Variants in NAGLU observed in about 807,000 individuals in gnomAD.
The protein encoded by NAGLU is N-acetyl-alpha-glucosaminidase.
Under a neutral mutation model 43.4 loss-of-function variants are expected in NAGLU, and 34 were observed. The ratio of observed to expected loss-of-function variants is 0.78; its 90% CI spans 0.60 to 1.04. The LOEUF (loss-of-function observed/expected upper bound fraction) is 1.04, where lower values mean the gene tolerates loss of function less well. Ranked by LOEUF, NAGLU falls within the 50% of genes least tolerant of loss-of-function variation. NAGLU has a pLI of 0.00. For missense variants in NAGLU, 910 were observed against 993.7 expected, an observed-to-expected ratio of 0.92 and a Z score of 1.13; for synonymous variants, 425 against 437.6, an observed-to-expected ratio of 0.97 and a Z score of 0.36.
chr17:42,543,168 C>A lies in NAGLU; in HGVS notation c.1162C>A (p.Gln388Lys). 1.9e-6 allele frequency: 3 copies of A among 1,614,180 alleles called. No homozygotes were observed. Among genetic ancestry groups the A allele is most frequent in the Non-Finnish European group, 2.5e-6 (3 of 1,180,046 alleles). Residue 388 changes from glutamine (Q) to lysine (K), a missense_variant, in exon 6 of 6, where the codon CAG becomes AAG. Coordinates refer to ENST00000225927, the MANE Select transcript of NAGLU (RefSeq NM_000263.4). ...GGTTCTGGACCTGTTTGCTGAGAGC[C>A]AGCCTGTGTATACCCGCACTGCCTC... ...LLVLDLFAES[Q>K]PVYTRTASFQ...
In NAGLU at chr17:42,538,880, G is replaced by A; in HGVS notation, c.764+125G>A. 5 of 1,143,412 alleles carry A rather than the reference G, an allele frequency of 4.4e-6. No homozygotes were observed. In the South Asian group the frequency reaches 6.6e-5, roughly 15 times the overall value. 70.8% of individuals were successfully genotyped at this position (1,143,412 alleles called of 1,614,324 possible). ...CTCACGCCTGTAATCCCAGCACTTT[G>A]GGAGGCCGAGTTGGGCGGATCACCT... On this transcript the variant is annotated intron_variant, in intron 4 of 5. Coordinates refer to ENST00000225927, the MANE Select transcript of NAGLU (RefSeq NM_000263.4).
rs570287397 is a variant in NAGLU at position 42,537,305 on chromosome 17, T to C, written c.384-93T>C. On this transcript the variant is annotated intron_variant, in intron 1 of 5. Transcript: ENST00000225927. The stretch of plus-strand genomic sequence containing the variant: ...GCAGAAGGGCCGAGTTTGGAGCCCC[T>C]CCCCTCTCCTCTAGGTGGGGGATGG... The C allele has an allele frequency of 1.9e-6, 3 of 1,586,938 alleles. No homozygotes were observed. The South Asian group carries it at 3.3e-5, about 18-fold the overall frequency.
chr17:42,537,735 C>T (rs2092910734), intron 2 of NAGLU, among the ~76,000 whole-genome samples, 190 bp downstream of exon 2: 1 of 152,068 alleles, frequency 6.6e-6, no homozygotes, highest in Admixed American at 6.5e-5. Flanking sequence ...CCCAGCACTT[C>T]GGGAGGCCTA....
intron 4 of NAGLU, among the ~76,000 whole-genome samples, chr17:42,539,806 C>T (rs1049998151): frequency 2.0e-5 from 3 of 152,168 alleles, no homozygotes; most frequent in Non-Finnish European, 4.4e-5. Flanking sequence ...CAGGGCAGAG[C>T]CCAGCCTTGA....
intron 5 of NAGLU, among the ~76,000 whole-genome samples, chr17:42,541,703 G>C (rs1002456491): frequency 1.3e-5 from 2 of 152,250 alleles, no homozygotes; most frequent in Non-Finnish European, 2.9e-5. Context: ...ACTTAAAGGA[G>C]GAGTGGAGCA....
In NAGLU at chr17:42,538,770, AC is replaced by A. The variant is rs753375289; in HGVS notation, c.764+20del. The A allele has an allele frequency of 6.2e-7, 1 of 1,613,014 alleles. No homozygotes were observed. Among genetic ancestry groups the A allele is most frequent in the East Asian group, 2.2e-5 (1 of 44,876 alleles). On this transcript the variant is annotated intron_variant, in intron 4 of 5. Coordinates refer to ENST00000225927, the MANE Select transcript of NAGLU (RefSeq NM_000263.4). Reference sequence around the variant, plus strand: ...GCTGTCACCAGGTGAGGTTCCGCTCACCCCCTCCACTTAGCTCAGAGAGGGA... The same window carrying A: ...GCTGTCACCAGGTGAGGTTCCGCTCACCCCTCCACTTAGCTCAGAGAGGGA...
In NAGLU at chr17:42,544,376, A is replaced by C. The variant is rs2092931619; in HGVS notation, c.*138A>C. On this transcript the variant is annotated 3_prime_UTR_variant, in exon 6 of 6. Coordinates refer to ENST00000225927, the MANE Select transcript of NAGLU (RefSeq NM_000263.4). ...TGCTGGTGGGGTCTGACCTGGGGGG[A>C]TTGGAGGGAAATGACCTGCCCTCCA... 7.5e-7 allele frequency: 1 copy of C among 1,340,730 alleles called. No individual in the cohort carries two copies. The allele number at this position is 1,340,730 out of a possible 1,614,324, so 83.1% of individuals were successfully genotyped here. A position where few individuals can be genotyped will look rare whatever the true frequency, so the allele number is the denominator to read the frequency against.
chr17:42,538,208 T>A, intron 2 of NAGLU, 131 bp from the exon 3 acceptor site: 1 of 1,398,540 alleles, frequency 7.2e-7, no homozygotes, highest in Non-Finnish European at 1.0e-6. Flanking sequence ...GGCTCCTTGA[T>A]GGCAGCGTTC....
chr17:42,536,850 A>G, intron 1 of NAGLU, 195 bp downstream of exon 1: 1 of 1,099,834 alleles, frequency 9.1e-7, no homozygotes. Flanking sequence ...AACGGAAAGA[A>G]GACGCCTACC....
At position 42,536,631 on chromosome 17, in the gene NAGLU, A is replaced by T; in HGVS notation, c.359A>T (p.Glu120Val). Residue 120 changes from glutamate (E) to valine (V), a missense_variant, in exon 1 of 6, where the codon GAG (glutamate) becomes GTG (valine). Transcript: ENST00000225927. ...CGGCCACTGCCAGCCGTGCCGGGGG[A>T]GCTGACCGAGGCCACGCCCAACAGG... Reference protein sequence around the residue: ...LPRPLPAVPGELTEATPNRYR... With the variant: ...LPRPLPAVPGVLTEATPNRYR... 6.7e-7 allele frequency: 1 copy of T among 1,495,612 alleles called. No individual in the cohort carries two copies. Among genetic ancestry groups the T allele is most frequent in the Non-Finnish European group, 8.9e-7 (1 of 1,129,444 alleles). 92.6% of individuals were successfully genotyped at this position (1,495,612 alleles called of 1,614,324 possible).
chr17:42,537,399 T>C lies in NAGLU; in HGVS notation c.385T>C (p.Tyr129His). The C allele has an allele frequency of 1.2e-6, 2 of 1,614,168 alleles. No homozygotes were observed. Among genetic ancestry groups the C allele is most frequent in the South Asian group, 2.2e-5 (2 of 91,086 alleles). The stretch of plus-strand genomic sequence containing the variant: ...CCCTGCTCATGACACTGCCCGCAGG[T>C]ACCGCTATTACCAGAATGTGTGCAC... The part of the protein sequence containing the change: ...GELTEATPNR[Y>H]RYYQNVCTQS... Residue 129 changes from tyrosine (Y) to histidine (H), a missense_variant and splice_region_variant, in exon 2 of 6, where the codon TAC becomes CAC. Physicochemically the swap from Tyr to His is moderately conservative, Grantham distance 83. Transcript: ENST00000225927.
At chr17:42,542,876 G>C in intron 5 of NAGLU, 152 bp from the exon 6 acceptor site, 1 of 1,177,692 alleles carries the variant, frequency 8.5e-7, no homozygotes, top group Non-Finnish European at 1.2e-6. Flanking sequence ...AGTTTTCAGA[G>C]GGACGCGTAT....
Position 42,536,661 on chromosome 17 carries a change from G to C in NAGLU, c.383+6G>C, listed in dbSNP as rs1245100428. ...ACCGAGGCCACGCCCAACAGGTACCGCCCCGAAGCTTCCCCGCGTCCGCCC... is the reference window on the plus strand; with the variant it reads ...ACCGAGGCCACGCCCAACAGGTACCCCCCCGAAGCTTCCCCGCGTCCGCCC... On this transcript the variant is annotated splice_donor_region_variant and intron_variant, in intron 1 of 5. Coordinates refer to ENST00000225927, the MANE Select transcript of NAGLU (RefSeq NM_000263.4). 6.7e-7 allele frequency: 1 copy of C among 1,490,130 alleles called. No homozygotes were observed. The highest frequency in any genetic ancestry group is 8.9e-7 in the Non-Finnish European group (1 of 1,125,230). The allele number at this position is 1,490,130 out of a possible 1,614,324, so 92.3% of individuals were successfully genotyped here. A position where few individuals can be genotyped will look rare whatever the true frequency, so the allele number is the denominator to read the frequency against.
rs2092905459 is a variant in NAGLU, at chr17:42,536,250, G to C, written c.-23G>C. On this transcript the variant is annotated 5_prime_UTR_variant, in exon 1 of 6. Coordinates refer to ENST00000225927, the MANE Select transcript of NAGLU (RefSeq NM_000263.4). ...CGGGCCGCCCCACCCCCTGGCCGTC[G>C]CGGGACCCGCAGGACTGAGACCATG... is the stretch of plus-strand genomic sequence containing the variant. 1.6e-6 allele frequency: 2 copies of C among 1,216,388 alleles called. No individual in the cohort carries two copies. Among genetic ancestry groups the C allele is most frequent in the Non-Finnish European group, 2.0e-6 (2 of 977,718 alleles). 75.3% of individuals were successfully genotyped at this position (1,216,388 alleles called of 1,614,324 possible).
chr17:42,539,378 C>T (rs1423381350), intron 4 of NAGLU, among the ~76,000 whole-genome samples: 3 of 152,228 alleles, frequency 2.0e-5, no homozygotes, highest in Non-Finnish European at 4.4e-5. Context: ...CCCTCCTGTT[C>T]CTCTGTGCTT....
Position 42,544,218 on chromosome 17 carries a change from T to C in NAGLU, c.2212T>C (p.Trp738Arg). 6.2e-7 allele frequency: 1 copy of C among 1,610,250 alleles called. No homozygotes were observed. The highest frequency in any genetic ancestry group is 1.1e-5 in the South Asian group (1 of 91,088). The change falls in exon 6 of 6, where the codon TGG (tryptophan) becomes CGG (arginine). Residue 738 changes from tryptophan to arginine, a missense_variant. Physicochemically the swap from Trp to Arg is moderately radical, Grantham distance 101. Transcript: ENST00000225927. ...KKIFLKYYPR[W>R]VAGSW Reference sequence around the variant, plus strand: ...GATCTTCCTCAAATATTACCCCCGCTGGGTGGCCGGCTCTTGGTGATAGAT... The same window carrying C: ...GATCTTCCTCAAATATTACCCCCGCCGGGTGGCCGGCTCTTGGTGATAGAT...
chr17:42,541,185 G>T lies in NAGLU; in HGVS notation c.1000G>T (p.Val334Phe), dbSNP rs749140168. 19 of 1,613,216 alleles carry T rather than the reference G, an allele frequency of 1.2e-5. No individual in the cohort carries two copies. The highest frequency in any genetic ancestry group is 1.5e-5 in the Non-Finnish European group (18 of 1,180,026). The change falls in exon 5 of 6, where the codon GTC becomes TTC. Residue 334 changes from valine to phenylalanine, a missense_variant. Coordinates refer to ENST00000225927, the MANE Select transcript of NAGLU (RefSeq NM_000263.4). ...PSYLAAATTA[V>F]YEAMTAVDTE... is the part of the protein sequence containing the mutation. ...CTACCTTGCCGCAGCCACCACTGCCGTCTATGAGGCCATGACTGCAGGTAC... is the reference window on the plus strand; with the variant it reads ...CTACCTTGCCGCAGCCACCACTGCCTTCTATGAGGCCATGACTGCAGGTAC...
chr17:42,544,414 GT>G lies in NAGLU; in HGVS notation c.*177del. 1 of 914,552 alleles carries G rather than the reference GT, an allele frequency of 1.1e-6. No individual in the cohort carries two copies. Among genetic ancestry groups the G allele is most frequent in the Non-Finnish European group, 1.7e-6 (1 of 602,108 alleles). 56.7% of individuals were successfully genotyped at this position (914,552 alleles called of 1,614,324 possible). A position where few individuals can be genotyped will look rare whatever the true frequency, so the allele number is the denominator to read the frequency against. Reference sequence around the variant, plus strand: ...GACCTGCCCTCCACCACCACCCAAAGTGTGGGATTAAAGTACTGTTTTCTTT... The same window carrying G: ...GACCTGCCCTCCACCACCACCCAAAGGTGGGATTAAAGTACTGTTTTCTTT... On this transcript the variant is annotated 3_prime_UTR_variant, in exon 6 of 6. Coordinates refer to ENST00000225927, the MANE Select transcript of NAGLU (RefSeq NM_000263.4).
intron 4 of NAGLU, among the ~76,000 whole-genome samples, chr17:42,539,567 C>G (rs575736036): frequency 9.6e-4 from 147 of 152,358 alleles, no homozygotes; most frequent in African/African-American, 3.3e-3. Context: ...CCTCTTTGCC[C>G]CCATCACCAG....
Sources: allele counts gnomAD v4.1 joint callset (sites outside exome capture counted in the v4.1 genomes callset), GRCh38; gene constraint gnomAD v4.1.1; transcripts MANE v1.5; gene names NCBI Gene and HGNC (gene_info 2026-07-23, HGNC 2026-07-21).